RAD54L2: variants seen among roughly 807,000 people sequenced by gnomAD.
RAD54L2 encodes RAD54 like 2.
Under a neutral mutation model 138.4 loss-of-function variants are expected in RAD54L2, and 27 were observed. That is an observed-to-expected ratio of 0.20 (90% CI 0.14 to 0.27). RAD54L2 has a LOEUF of 0.27. RAD54L2 is among the 10% of genes least tolerant of loss of function. The probability of loss-of-function intolerance (pLI) is 1.00; values close to 1 mark genes in which losing one functional copy is unlikely to be tolerated. For missense variants in RAD54L2, 1,396 were observed against 1,890.2 expected, an observed-to-expected ratio of 0.74 and a Z score of 4.85; for synonymous variants, 644 against 723.2, an observed-to-expected ratio of 0.89 and a Z score of 1.76.
intron 2 of RAD54L2, among the ~76,000 whole-genome samples, chr3:51,566,075 G>T (rs1408627094): frequency 6.6e-6 from 1 of 151,984 alleles, no homozygotes; most frequent in Non-Finnish European, 1.5e-5. Context: ...TGATATGCCC[G>T]CCTCGGCCTC....
intron 3 of RAD54L2, among the ~76,000 whole-genome samples, chr3:51,612,218 A>T (rs1700348005): frequency 6.6e-6 from 1 of 152,200 alleles, no homozygotes; most frequent in African/African-American, 2.4e-5. Context: ...TAATCCCAGC[A>T]CTTTGGGAGG....
intron 19 of RAD54L2, among the ~76,000 whole-genome samples, chr3:51,655,374 G>A (rs1034909672): frequency 6.6e-6 from 1 of 152,090 alleles, no homozygotes; most frequent in African/African-American, 2.4e-5. Context: ...GCACTTTGAG[G>A]GTTGTTCCAG....
intron 2 of RAD54L2, among the ~76,000 whole-genome samples, chr3:51,555,175 G>T (rs757568476): frequency 1.1e-4 from 16 of 152,088 alleles, no homozygotes; most frequent in Non-Finnish European, 2.1e-4. Context: ...CAGATTTTTA[G>T]ATGATAACCA....
intron 19 of RAD54L2, among the ~76,000 whole-genome samples, chr3:51,650,493 G>T (rs572216813): frequency 6.6e-6 from 1 of 152,276 alleles, no homozygotes; most frequent in South Asian, 2.1e-4. Flanking sequence ...ATTCTTCTCA[G>T]CACCACATTG....
chr3:51,566,931 C>T (rs1190879781), intron 2 of RAD54L2, among the ~76,000 whole-genome samples: 1 of 152,124 alleles, frequency 6.6e-6, no homozygotes, highest in Non-Finnish European at 1.5e-5. Flanking sequence ...TGTCTCCATC[C>T]TCCAACCTAG....
At position 51,663,036 on chromosome 3, in the gene RAD54L2, T is replaced by A. The variant is rs775608199; in HGVS notation, c.4020T>A (p.Phe1340Leu). The change falls in exon 23 of 23, where the codon TTT becomes TTA. Residue 1340 changes from phenylalanine to leucine, a missense_variant. Phe to Leu is a conservative substitution (Grantham distance 22, BLOSUM62 0). Around this residue, in one of 7 missense-constraint regions of RAD54L2, gnomAD observed 634 missense variants for 711.2 expected, o/e 0.89. Coordinates refer to ENST00000684192, the MANE Select transcript of RAD54L2 (RefSeq NM_015106.4). ...TGCTGGCAGATGCCCGCCTGGTGTT[T>A]CCAGTGACTACTGACCCTCTGGTGC... Reference protein sequence around the residue: ...SNLLADARLVFPVTTDPLVPA... With the variant: ...SNLLADARLVLPVTTDPLVPA... The A allele has an allele frequency of 6.2e-7, 1 of 1,613,942 alleles. No individual in the cohort carries two copies.
Position 51,665,229 on chromosome 3 carries a change from T to C in RAD54L2, c.*1809T>C, listed in dbSNP as rs965825250. ...CTTTATGATGAACAAACTTTGGCTT[T>C]AGAGCTTTACCACTTACCCATGGCT... On this transcript the variant is annotated 3_prime_UTR_variant, in exon 23 of 23. Transcript: ENST00000684192. 2.6e-5 allele frequency: 4 copies of C among 151,864 alleles called. No homozygotes were observed. The highest frequency in any genetic ancestry group is 5.9e-5 in the Non-Finnish European group (4 of 67,954). The allele number at this position is 151,864 out of a possible 1,614,324, so 9.4% of individuals were successfully genotyped here.
chr3:51,613,217 A>G (rs112329483), intron 3 of RAD54L2, among the ~76,000 whole-genome samples: 6,759 of 152,162 alleles, frequency 0.044, 495 homozygotes, highest in African/African-American at 0.15. Context: ...GATTACAGAC[A>G]TGAGCCACCA....
At position 51,554,178 on chromosome 3, in the gene RAD54L2, C is replaced by A. The variant is rs1317435570; in HGVS notation, c.-55+12528C>A. ...GATCAAGAGATCGAGAGCAGCCTGA[C>A]CAACATGGTGAAACTCCGTCTCTAC... On this transcript the variant is annotated intron_variant, in intron 2 of 22. Coordinates refer to ENST00000684192, the MANE Select transcript of RAD54L2 (RefSeq NM_015106.4). 5.3e-5 allele frequency among the ~76,000 whole-genome samples: 8 copies of A among 152,178 alleles called. No homozygotes were observed. The East Asian group carries it at 1.5e-3, about 29-fold the overall frequency.
At position 51,630,821 on chromosome 3, in the gene RAD54L2, T is replaced by C. The variant is rs1301107275; in HGVS notation, c.715T>C (p.Leu239=). 1.9e-6 allele frequency: 3 copies of C among 1,614,034 alleles called. No homozygotes were observed. The highest frequency in any genetic ancestry group is 3.3e-5 in the Admixed American group (2 of 60,032). Residue 239 remains leucine, a synonymous_variant, in exon 7 of 23, where the codon TTA becomes CTA. Coordinates refer to ENST00000684192, the MANE Select transcript of RAD54L2 (RefSeq NM_015106.4). ...EKGGTHVNDV[L]NQRDALGRVL... Reference sequence around the variant, plus strand: ...GGGTGGCACCCATGTCAATGATGTCTTAAACCAGCGTGACGCCCTTGGGCG... The same window carrying C: ...GGGTGGCACCCATGTCAATGATGTCCTAAACCAGCGTGACGCCCTTGGGCG...
At chr3:51,589,372 C>T (rs567590381) in intron 2 of RAD54L2, among the ~76,000 whole-genome samples, 2 of 152,218 alleles carry the variant, frequency 1.3e-5, no homozygotes, top group South Asian at 4.1e-4. Context: ...ACTCCACCCA[C>T]ACTCCAGCCT....
chr3:51,630,442 TC>T, intron 6 of RAD54L2, 54 bp downstream of exon 6: 1 of 1,509,072 alleles, frequency 6.6e-7, no homozygotes, highest in Non-Finnish European at 9.2e-7. Context: ...CATGCTGAGA[TC>T]GGCTATACTT....
chr3:51,621,840 C>G (rs4687592), intron 3 of RAD54L2, among the ~76,000 whole-genome samples: 1 of 152,050 alleles, frequency 6.6e-6, no homozygotes, highest in Non-Finnish European at 1.5e-5. Context: ...CAAGTGTAGT[C>G]GGTATGTTGT....
chr3:51,662,814 GTC>G lies in RAD54L2; in HGVS notation c.3799_3800del (p.Ser1267IlefsTer18). 6.2e-7 allele frequency: 1 copy of G among 1,611,654 alleles called. No individual in the cohort carries two copies. Among genetic ancestry groups the G allele is most frequent in the Non-Finnish European group, 8.5e-7 (1 of 1,178,982 alleles). On this transcript the variant is annotated frameshift_variant, in exon 23 of 23. Transcript: ENST00000684192. LOFTEE classifies it high-confidence loss of function. This position sits in a 1 kb window ranked among gnomAD's most constrained non-coding sequence, Gnocchi z 4.6. ...KLATPPAAQE[S>X]SRRRSRKGHL... ...TGGCCACACCACCTGCTGCCCAGGA[GTC>G]ATCCCGCCGGCGGTCCAGGAAGGGT...
At position 51,612,131 on chromosome 3, in the gene RAD54L2, T is replaced by C. The variant is rs560384059; in HGVS notation, c.140-15422T>C. Among the ~76,000 whole-genome samples, 146 of 152,310 alleles carry C rather than the reference T, an allele frequency of 9.6e-4. 1 individual carries two copies. The highest frequency in any genetic ancestry group is 1.7e-3 in the Non-Finnish European group (116 of 68,030). On this transcript the variant is annotated intron_variant, in intron 3 of 22. Coordinates refer to ENST00000684192, the MANE Select transcript of RAD54L2 (RefSeq NM_015106.4). ...TCTTTTCTCATAACTGATGGAATAA[T>C]GAAGTTGAGTGATTGGAGAAAGTGG...
rs554959029 is a variant in RAD54L2 at position 51,668,394 on chromosome 3, C to T, written c.*4974C>T. On this transcript the variant is annotated 3_prime_UTR_variant, in exon 23 of 23. Transcript: ENST00000684192. Reference sequence around the variant, plus strand: ...TCCGTCTTCTTTCCTCAGGACGCCCCTGAGGCCTGGGACCTGTGCCTGGCT... The same window carrying T: ...TCCGTCTTCTTTCCTCAGGACGCCCTTGAGGCCTGGGACCTGTGCCTGGCT... The T allele has an allele frequency of 6.6e-6, 1 of 152,230 alleles. No homozygotes were observed. The highest frequency in any genetic ancestry group is 2.4e-5 in the African/African-American group (1 of 41,442). 9.4% of individuals were successfully genotyped at this position (152,230 alleles called of 1,614,324 possible).
In RAD54L2 at chr3:51,656,067, A is replaced by G. The variant is rs764200856; in HGVS notation, c.3123A>G (p.Gly1041=). 5.0e-6 allele frequency: 8 copies of G among 1,613,974 alleles called. No homozygotes were observed. In the South Asian group the frequency reaches 8.8e-5, roughly 18 times the overall value. ...TGATGCCCCGGCATGTCCCATTGGG[A>G]GGAAGTGTAAGCTCTGCCTCCAGCA... The part of the protein sequence containing the change: ...IPMMPRHVPL[G]GSVSSASSTN... The change falls in exon 20 of 23, where the codon GGA becomes GGG. Residue 1041 remains glycine, a synonymous_variant. Coordinates refer to ENST00000684192, the MANE Select transcript of RAD54L2 (RefSeq NM_015106.4).
chr3:51,647,442 C>T (rs1255140836), intron 19 of RAD54L2, among the ~76,000 whole-genome samples: 1 of 152,142 alleles, frequency 6.6e-6, no homozygotes, highest in Non-Finnish European at 1.5e-5. Flanking sequence ...TCTAGGCGGG[C>T]AGATCACCTG....
chr3:51,646,247 A>G (rs1177968347), intron 18 of RAD54L2, 38 bp from the exon 19 acceptor site: 2 of 1,534,616 alleles, frequency 1.3e-6, no homozygotes, highest in Non-Finnish European at 1.8e-6. Flanking sequence ...TCTATCAGCC[A>G]TGTTGGTAAC....
Sources: gnomAD v4.1 joint callset for allele counts (sites outside exome capture counted in the v4.1 genomes callset) on GRCh38, gnomAD v4.1.1 for gene constraint, gnomAD v4.1.1 regional missense constraint, Gnocchi (gnomAD v3.1) non-coding constraint, MANE v1.5 for transcripts, NCBI Gene and HGNC (gene_info 2026-07-23, HGNC 2026-07-21) for gene names.